The following NCOR1 variants were observed in gnomAD, a reference collection of about 807,000 sequenced individuals.
The protein encoded by NCOR1 is nuclear receptor corepressor 1, also known as protein phosphatase 1, regulatory subunit 109.
A neutral mutation model predicts 288.1 loss-of-function variants in NCOR1; 63 were observed. That is an observed-to-expected ratio of 0.22 (90% CI 0.18 to 0.27). NCOR1 has a LOEUF of 0.27. NCOR1 is among the 10% of genes least tolerant of loss of function. The pLI is 1.00. For missense variants in NCOR1, 2,397 were observed against 3,019.2 expected (o/e 0.79, Z 4.83); for synonymous variants, 1,007 against 1,065.9 (o/e 0.94, Z 1.08).
rs756542585 is a variant in NCOR1 at position 16,091,950 on chromosome 17, G to C, written c.2929C>G (p.Arg977Gly). 6.2e-7 allele frequency: 1 copy of C among 1,614,010 alleles called. No individual in the cohort carries two copies. Among genetic ancestry groups the C allele is most frequent in the East Asian group, 2.2e-5 (1 of 44,896 alleles). The change falls in exon 22 of 46, where the codon CGG (arginine) becomes GGG (glycine). Residue 977 changes from arginine (R) to glycine (G), a missense_variant. By Grantham distance (125) the Arg-to-Gly change is moderately radical. Transcript: ENST00000268712. ...AAATCTATCTGTTCTTGTCTCTGCC[G>C]CTGCTCCTCCAGGAGTGCTGACTCA... is the stretch of plus-strand genomic sequence containing the variant. ...MHESALLEEQ[R>G]QRQEQIDLEC...
chr17:16,127,763 C>A (rs562004985), intron 14 of NCOR1, among the ~76,000 whole-genome samples: 1,542 of 148,858 alleles, frequency 0.01, 126 homozygotes, highest in African/African-American at 0.036. Context: ...ATATATATCT[C>A]TCATAGTATA....
rs1165214525 is a variant in NCOR1, at chr17:16,098,479, G to A, written c.2708C>T (p.Ser903Leu). The A allele has an allele frequency of 2.5e-6, 4 of 1,608,102 alleles. No individual in the cohort carries two copies. Among genetic ancestry groups the A allele is most frequent in the African/African-American group, 2.7e-5 (2 of 74,672 alleles). The stretch of plus-strand genomic sequence containing the variant: ...AGTGGGGTTTAACAGTGAAGGCTTT[G>A]AGTCCATAGGAAACATTCTGCAATT... ...PERQRMFPMD[S>L]KPSLLNPTGS... Residue 903 changes from serine (S) to leucine (L), a missense_variant, in exon 21 of 46, where the codon TCA becomes TTA. By Grantham distance (145) the Ser-to-Leu change is moderately radical (BLOSUM62 -2). Transcript: ENST00000268712.
intron 18 of NCOR1, among the ~76,000 whole-genome samples, 162 bp from the exon 19 acceptor site, chr17:16,109,074 A>C (rs953326313): frequency 4.6e-5 from 7 of 152,174 alleles, no homozygotes; most frequent in African/African-American, 1.7e-4. Flanking sequence ...ACCTCTCCAT[A>C]ATCACTAACT....
intron 3 of NCOR1, among the ~76,000 whole-genome samples, chr17:16,184,702 CCTT>C (rs752579790): frequency 3.9e-5 from 6 of 152,166 alleles, no homozygotes; most frequent in Non-Finnish European, 7.4e-5. Context: ...ACCCCACAAT[CCTT>C]CTTCTGGATA....
intron 15 of NCOR1, among the ~76,000 whole-genome samples, chr17:16,125,854 GAGA>G: frequency 6.6e-6 from 1 of 151,956 alleles, no homozygotes; most frequent in African/African-American, 2.4e-5. Flanking sequence ...CATGGATATA[GAGA>G]GTGGAATAAG....
Position 16,034,914 on chromosome 17 carries a change from T to C in NCOR1, c.6986A>G (p.Lys2329Arg). ...AGACTTAGATTTCCTGCTGTTTGAC[T>C]TGCTGATCAGCTTTGGTTTGCAAAC... is the stretch of plus-strand genomic sequence containing the variant. ...GGVCKPKLIS[K>R]SNSRKSKSPI... The change falls in exon 45 of 46, where the codon AAG becomes AGG. Residue 2329 changes from lysine to arginine, a missense_variant. Lys to Arg is a conservative substitution (Grantham distance 26, BLOSUM62 2). This residue lies in a region of NCOR1 where 1,872 missense variants were observed against 2,187.8 expected (regional missense o/e 0.86). Transcript: ENST00000268712. 1 of 1,614,170 alleles carries C rather than the reference T, an allele frequency of 6.2e-7. No homozygotes were observed. Among genetic ancestry groups the C allele is most frequent in the Non-Finnish European group, 8.5e-7 (1 of 1,180,028 alleles).
At chr17:16,076,313 A>C (rs1372715762) in intron 26 of NCOR1, among the ~76,000 whole-genome samples, 2 of 152,252 alleles carry the variant, frequency 1.3e-5, no homozygotes, top group Admixed American at 1.3e-4. Context: ...AGCAGCAGAG[A>C]CAATTCATAA....
chr17:16,147,978 T>C (rs1373222742), intron 9 of NCOR1, among the ~76,000 whole-genome samples: 1 of 152,084 alleles, frequency 6.6e-6, no homozygotes, highest in South Asian at 2.1e-4. Context: ...CCACCACGCC[T>C]GGCTAATTTT....
chr17:16,123,528 CAG>C, intron 15 of NCOR1, among the ~76,000 whole-genome samples: 1 of 152,306 alleles, frequency 6.6e-6, no homozygotes, highest in South Asian at 2.1e-4. Context: ...TAACTATTCC[CAG>C]ACAGACACAC....
intron 28 of NCOR1, among the ~76,000 whole-genome samples, chr17:16,072,796 T>C (rs528907146): frequency 2.6e-4 from 39 of 152,358 alleles, no homozygotes; most frequent in African/African-American, 8.9e-4. Flanking sequence ...GGACTTACCC[T>C]GCTTTTAGTA....
In NCOR1 at chr17:16,070,486, C is replaced by G. The variant is rs1277826607; in HGVS notation, c.4192G>C (p.Ala1398Pro). 1 of 1,614,138 alleles carries G rather than the reference C, an allele frequency of 6.2e-7. No homozygotes were observed. The highest frequency in any genetic ancestry group is 8.5e-7 in the Non-Finnish European group (1 of 1,180,008). ...IKFDNNSGQS[A>P]IKHNVKSLIT... ...AAGGATTTGACATTGTGTTTGATGGCAGATTGACCTGAGTTGTTGTCAAAC... is the reference window on the plus strand; with the variant it reads ...AAGGATTTGACATTGTGTTTGATGGGAGATTGACCTGAGTTGTTGTCAAAC... Residue 1398 changes from alanine (A) to proline (P), a missense_variant, in exon 31 of 46, where the codon GCC becomes CCC. Ala to Pro is a conservative substitution (Grantham distance 27). Coordinates refer to ENST00000268712, the MANE Select transcript of NCOR1 (RefSeq NM_006311.4).
chr17:16,121,116 G>A lies in NCOR1; in HGVS notation c.1788C>T (p.Ala596=), dbSNP rs2072930617. ...TRSMTNEAAA[A]SAAAAAATEE... ...CAGTAGCCGCTGCGGCTGCAGCACT[G>A]GCAGCTGCAGCTTCGTTTGTCATGG... The change falls in exon 16 of 46, where the codon GCC becomes GCT. Residue 596 remains alanine, a synonymous_variant. Coordinates refer to ENST00000268712, the MANE Select transcript of NCOR1 (RefSeq NM_006311.4). The A allele has an allele frequency of 6.2e-7, 1 of 1,614,040 alleles. No homozygotes were observed.
At position 16,196,340 on chromosome 17, in the gene NCOR1, ATT is replaced by A. The variant is rs1030772723; in HGVS notation, c.-70-1703_-70-1702del. Among the ~76,000 whole-genome samples, 5 of 152,068 alleles carry A rather than the reference ATT, an allele frequency of 3.3e-5. No individual in the cohort carries two copies. The East Asian group carries it at 9.6e-4, about 29-fold the overall frequency. On this transcript the variant is annotated intron_variant, in intron 1 of 45. Coordinates refer to ENST00000268712, the MANE Select transcript of NCOR1 (RefSeq NM_006311.4). ...TATCCAGTTAGGTTTAAAAAATAAAATTTTTTAGGGAATTGTCATTCAATCTA... is the reference window on the plus strand; with the variant it reads ...TATCCAGTTAGGTTTAAAAAATAAAATTTTAGGGAATTGTCATTCAATCTA...
intron 1 of NCOR1, among the ~76,000 whole-genome samples, chr17:16,209,533 C>A (rs551505197): frequency 2.0e-3 from 289 of 146,798 alleles, no homozygotes; most frequent in Non-Finnish European, 3.3e-3. Context: ...CCAGGCTGGG[C>A]AAAACAATCA....
chr17:16,084,861 G>T (rs1761006137), intron 23 of NCOR1, among the ~76,000 whole-genome samples: 1 of 151,954 alleles, frequency 6.6e-6, no homozygotes, highest in East Asian at 1.9e-4. Context: ...GCTTTCAGAA[G>T]AAAACACAGG....
At chr17:16,214,851 C>A (rs1192981478) in intron 1 of NCOR1, among the ~76,000 whole-genome samples, 2 of 152,224 alleles carry the variant, frequency 1.3e-5, no homozygotes, top group Non-Finnish European at 2.9e-5. Context: ...CACCAGTACC[C>A]AGCCTTCGCC....
chr17:16,083,901 C>T (rs2063795531), intron 23 of NCOR1: 1 of 151,498 alleles, frequency 6.6e-6, no homozygotes, highest in African/African-American at 2.4e-5. Context: ...GTTTCAACTC[C>T]TGCAAATAAA....
intron 42 of NCOR1, 197 bp from the exon 43 acceptor site, chr17:16,040,691 A>G (rs1264874957): frequency 1.7e-6 from 1 of 604,022 alleles, no homozygotes; most frequent in Non-Finnish European, 3.0e-6. Flanking sequence ...TGCCCAGGCT[A>G]TTTTTAAAGG....
At chr17:16,089,124 GT>G (rs61185663) in intron 22 of NCOR1, among the ~76,000 whole-genome samples, 1,887 of 138,866 alleles carry the variant, frequency 0.014, 28 homozygotes, top group African/African-American at 0.038. Flanking sequence ...CATAGTAGTG[GT>G]TTTTTTTTTT....
Sources: gnomAD v4.1 joint callset for allele counts (sites outside exome capture counted in the v4.1 genomes callset) on GRCh38, gnomAD v4.1.1 for gene constraint, gnomAD v4.1.1 regional missense constraint, MANE v1.5 for transcripts, NCBI Gene and HGNC (gene_info 2026-07-23, HGNC 2026-07-21) for gene names.